FHAD1: variants seen among roughly 807,000 people sequenced by gnomAD.
FHAD1 encodes forkhead-associated domain-containing protein 1.
A neutral mutation model predicts 191.3 loss-of-function variants in FHAD1; 146 were observed. The ratio of observed to expected loss-of-function variants is 0.76; its 90% CI spans 0.67 to 0.88. The LOEUF (loss-of-function observed/expected upper bound fraction) is 0.88, where lower values mean the gene tolerates loss of function less well. FHAD1 is among the 40% of genes least tolerant of loss of function. FHAD1 has a pLI of 0.00. For missense variants in FHAD1, 1,635 were observed against 1,785.8 expected (o/e 0.92, Z 1.52); for synonymous variants, 616 against 672.3 (o/e 0.92, Z 1.29).
chr1:15,252,018 C>T, intron 2 of FHAD1, 141 bp downstream of exon 2: 2 of 712,744 alleles, frequency 2.8e-6, no homozygotes, highest in South Asian at 2.0e-5. Context: ...TGGTGTGCTA[C>T]CAATAGCCAG....
At chr1:15,321,171 A>T (rs1439925723) in intron 10 of FHAD1, among the ~76,000 whole-genome samples, 1 of 152,208 alleles carries the variant, frequency 6.6e-6, no homozygotes, top group Non-Finnish European at 1.5e-5. Flanking sequence ...TAACCTTGTG[A>T]TCTGCCCACC....
intron 31 of FHAD1, chr1:15,383,656 G>A (rs575853309): frequency 1.3e-5 from 4 of 301,508 alleles, no homozygotes; most frequent in South Asian, 1.2e-4. Context: ...CCCAAGGCTG[G>A]GGTTAGGCAA....
intron 25 of FHAD1, among the ~76,000 whole-genome samples, chr1:15,367,945 CT>C (rs1696984016): frequency 6.6e-6 from 1 of 152,106 alleles, no homozygotes; most frequent in Admixed American, 6.5e-5. Context: ...GCAAGGCTAC[CT>C]TTGCCTGTTT....
chr1:15,375,048 G>C (rs1376697969), intron 27 of FHAD1, among the ~76,000 whole-genome samples: 2 of 151,556 alleles, frequency 1.3e-5, no homozygotes, highest in Non-Finnish European at 2.9e-5. Context: ...AGTAGAGACG[G>C]GATTTCACCA....
rs149582110 is a variant in FHAD1 at position 15,350,115 on chromosome 1, G to A, written c.2454+966G>A. Among the ~76,000 whole-genome samples the A allele has an allele frequency of 8.8e-3, 1,340 of 152,302 alleles. 7 individuals are homozygous for A. Among genetic ancestry groups the A allele is most frequent in the Non-Finnish European group, 0.011 (726 of 68,020 alleles). ...CGGTTCGATTCGGTTTCATTCATCCGCCCATAAATATTCATTTATCCACCC... is the reference window on the plus strand; with the variant it reads ...CGGTTCGATTCGGTTTCATTCATCCACCCATAAATATTCATTTATCCACCC... On this transcript the variant is annotated intron_variant, in intron 19 of 33. Transcript: ENST00000688493.
Position 15,329,762 on chromosome 1 carries a change from A to C in FHAD1, c.1906+221A>C. The stretch of plus-strand genomic sequence containing the variant: ...CGATAACTGAAGAAAAATGAAACAA[A>C]ACAGAGGCAAAAGGAAAATTAAATC... On this transcript the variant is annotated intron_variant, in intron 14 of 33. Coordinates refer to ENST00000688493, the MANE Select transcript of FHAD1 (RefSeq NM_001391957.1). This position sits in a 1 kb window ranked among gnomAD's most constrained non-coding sequence, Gnocchi z 5.0. 1 of 495,510 alleles carries C rather than the reference A, an allele frequency of 2.0e-6. No individual in the cohort carries two copies. The highest frequency in any genetic ancestry group is 3.6e-5 in the South Asian group (1 of 27,942). 30.7% of individuals were successfully genotyped at this position (495,510 alleles called of 1,614,324 possible). A position where few individuals can be genotyped will look rare whatever the true frequency, so the allele number is the denominator to read the frequency against.
intron 26 of FHAD1, among the ~76,000 whole-genome samples, chr1:15,372,139 G>T (rs1698273995): frequency 6.6e-6 from 1 of 152,048 alleles, no homozygotes; most frequent in African/African-American, 2.4e-5. Context: ...GGGCATGGGG[G>T]TGGTCAGGTG....
chr1:15,301,787 G>C (rs1489317093), intron 6 of FHAD1, among the ~76,000 whole-genome samples: 1 of 152,196 alleles, frequency 6.6e-6, no homozygotes, highest in Admixed American at 6.5e-5. Context: ...GGCACTTTGG[G>C]AGGCTGAGGC....
At chr1:15,334,968 A>C (rs1254845336) in intron 14 of FHAD1, among the ~76,000 whole-genome samples, 3 of 152,134 alleles carry the variant, frequency 2.0e-5, no homozygotes, top group Non-Finnish European at 4.4e-5. Context: ...ACGCCCCTCC[A>C]ACCTCAAACT....
At chr1:15,287,811 G>A (rs1225605878) in intron 3 of FHAD1, among the ~76,000 whole-genome samples, 1 of 152,152 alleles carries the variant, frequency 6.6e-6, no homozygotes, top group Non-Finnish European at 1.5e-5. Context: ...TGGAGATTAG[G>A]ATCCTGAGTG....
intron 18 of FHAD1, among the ~76,000 whole-genome samples, chr1:15,348,726 T>G (rs949170364): frequency 2.0e-5 from 3 of 152,130 alleles, no homozygotes; most frequent in Admixed American, 6.6e-5. Context: ...TGTCGAGAGC[T>G]CTTTATTCAG....
chr1:15,349,129 C>T lies in FHAD1; in HGVS notation c.2434C>T (p.His812Tyr). 6 of 1,551,250 alleles carry T rather than the reference C, an allele frequency of 3.9e-6. No homozygotes were observed. The highest frequency in any genetic ancestry group is 4.4e-6 in the Non-Finnish European group (5 of 1,146,702). Residue 812 changes from histidine (H) to tyrosine (Y), a missense_variant, in exon 19 of 34, where the codon CAT (histidine) becomes TAT (tyrosine). Transcript: ENST00000688493. The stretch of plus-strand genomic sequence containing the variant: ...GAGAAAAGTTCAGGATCTGGAGAAC[C>T]ATTTAACCCAACAGAAGGAGGTATG... ...EKRKVQDLEN[H>Y]LTQQKEISES...
rs115890515 is a variant in FHAD1 at position 15,287,133 on chromosome 1, C to A, written c.301-2266C>A. ...GGGCAGGGGCACAGTGGCTCAGCTT[C>A]TGAAACCAAAGAATGGAAAAGAGGG... On this transcript the variant is annotated intron_variant, in intron 3 of 33. Coordinates refer to ENST00000688493, the MANE Select transcript of FHAD1 (RefSeq NM_001391957.1). 1,275 of 152,488 alleles carry A rather than the reference C, an allele frequency of 8.4e-3. 17 individuals carry two copies. Among genetic ancestry groups the A allele is most frequent in the African/African-American group, 0.028 (1,169 of 41,520 alleles). 9.4% of individuals were successfully genotyped at this position (152,488 alleles called of 1,614,324 possible).
chr1:15,245,391 TTTG>T (rs1645893650), upstream of FHAD1, among the ~76,000 whole-genome samples: 1 of 152,238 alleles, frequency 6.6e-6, no homozygotes, highest in Non-Finnish European at 1.5e-5. Flanking sequence ...TTTGCTCTTT[TTTG>T]TTGTTTATTA....
chr1:15,247,840 CTCTA>C (rs1557904601), intron 1 of FHAD1, among the ~76,000 whole-genome samples: 2 of 152,202 alleles, frequency 1.3e-5, no homozygotes, highest in African/African-American at 4.8e-5. Flanking sequence ...AATTTTGCTT[CTCTA>C]TCTCACTTGT....
At chr1:15,395,286 C>CGACA (rs1705554850) in intron 33 of FHAD1, among the ~76,000 whole-genome samples, 1 of 141,040 alleles carries the variant, frequency 7.1e-6, no homozygotes, top group African/African-American at 2.8e-5. Flanking sequence ...CCAGCCTGGG[C>CGACA]GACAGAGCAA....
intron 6 of FHAD1, among the ~76,000 whole-genome samples, chr1:15,303,601 G>A (rs891900956): frequency 1.3e-5 from 2 of 152,212 alleles, no homozygotes; most frequent in African/African-American, 4.8e-5. Context: ...TGTAATCCCA[G>A]CACTTTGGGA....
At chr1:15,401,519 C>T (rs1370433000), downstream of FHAD1, among the ~76,000 whole-genome samples, 1 of 152,178 alleles carries the variant, frequency 6.6e-6, no homozygotes, top group African/African-American at 2.4e-5. Flanking sequence ...CCATGTGGAT[C>T]CTTGGATTCG....
rs553757629 is a variant in FHAD1 at position 15,340,442 on chromosome 1, C to G, written c.1977+891C>G. Among the ~76,000 whole-genome samples the G allele has an allele frequency of 7.9e-5, 12 of 152,320 alleles. 1 individual carries two copies. The highest frequency in any genetic ancestry group is 2.6e-4 in the African/African-American group (11 of 41,572). On this transcript the variant is annotated intron_variant, in intron 15 of 33. Transcript: ENST00000688493. Reference sequence around the variant, plus strand: ...GCCTTTGGTTGATCTAGACTGGCCTCAGCTGGAGTGACTCAGCTCCCTGTG... The same window carrying G: ...GCCTTTGGTTGATCTAGACTGGCCTGAGCTGGAGTGACTCAGCTCCCTGTG...
Sources: allele counts gnomAD v4.1 joint callset (sites outside exome capture counted in the v4.1 genomes callset), GRCh38; gene constraint gnomAD v4.1.1; non-coding constraint Gnocchi (gnomAD v3.1); transcripts MANE v1.5; gene names NCBI Gene and HGNC (gene_info 2026-07-23, HGNC 2026-07-21).